Variants in SEC16A observed in about 807,000 individuals in gnomAD.
SEC16A encodes the protein protein transport protein Sec16A.
A neutral mutation model predicts 221.9 loss-of-function variants in SEC16A; 110 were observed. The observed-to-expected ratio is 0.50, with a 90% CI of 0.42 to 0.58. The LOEUF is 0.58. Among genes scored for constraint, SEC16A ranks in the 20% least tolerant of loss-of-function variants. SEC16A has a pLI of 0.00. For synonymous variants in SEC16A, 1,393 were observed against 1,257.7 expected, an observed-to-expected ratio of 1.11 and a Z score of -2.28; for missense variants, 3,165 against 3,097.8, an observed-to-expected ratio of 1.02 and a Z score of -0.52.
Position 136,447,644 on chromosome 9 carries a change from T to G in SEC16A, c.6484A>C (p.Lys2162Gln), listed in dbSNP as rs757812542. 2.7e-5 allele frequency: 44 copies of G among 1,613,350 alleles called. No individual in the cohort carries two copies. The highest frequency in any genetic ancestry group is 3.7e-5 in the Non-Finnish European group (44 of 1,179,600). The stretch of plus-strand genomic sequence containing the variant: ...GCAGGCGGGGCAGCTTGCACAGTCT[T>G]GGGCATCGAGGTTGGAGGTGGGGGC... The part of the protein sequence containing the change: ...APPPPPTSMP[K>Q]TVQAAPPALP... The change falls in exon 26 of 32, where the codon AAG becomes CAG. Residue 2162 changes from lysine (K) to glutamine (Q), a missense_variant. Lys to Gln is a moderately conservative substitution (Grantham distance 53, BLOSUM62 1). Coordinates refer to ENST00000684901, the MANE Select transcript of SEC16A (RefSeq NM_014866.2). The surrounding 1 kb of genome is among the most constrained non-coding windows in gnomAD (Gnocchi z 5.5).
chr9:136,470,104 G>A (rs1034705089), intron 4 of SEC16A, among the ~76,000 whole-genome samples: 11 of 152,232 alleles, frequency 7.2e-5, no homozygotes, highest in Non-Finnish European at 7.3e-5. Flanking sequence ...TCCATGCCAC[G>A]CACAAGCACG....
chr9:136,475,989 C>G lies in SEC16A; in HGVS notation c.1627G>C (p.Val543Leu). ...ACTTCTTGCTGAATGAATGTGCCAA[C>G]CAGCTCCTGGGGCCTGGCTGAGCCT... is the stretch of plus-strand genomic sequence containing the variant. The part of the protein sequence containing the change: ...LSGSARPQEL[V>L]GTFIQQEVGK... Residue 543 changes from valine (V) to leucine (L), a missense_variant, in exon 3 of 32, where the codon GTT becomes CTT. Val to Leu is a conservative substitution (Grantham distance 32, BLOSUM62 1). This residue lies in a region of SEC16A where 2,030 missense variants were observed against 1,923.1 expected (regional missense o/e 1.06). Coordinates refer to ENST00000684901, the MANE Select transcript of SEC16A (RefSeq NM_014866.2). This position sits in a 1 kb window ranked among gnomAD's most constrained non-coding sequence, Gnocchi z 5.0. 6.2e-7 allele frequency: 1 copy of G among 1,613,528 alleles called. No homozygotes were observed. The highest frequency in any genetic ancestry group is 2.2e-5 in the East Asian group (1 of 44,882).
Position 136,447,960 on chromosome 9 carries a change from AT to A in SEC16A, c.6391-52del, listed in dbSNP as rs1837238242. ...GGTCAGCAGACTGAACCTAAACAGA[AT>A]TAGCATCTGATTAATGATGACACTT... On this transcript the variant is annotated intron_variant, in intron 24 of 31. Coordinates refer to ENST00000684901, the MANE Select transcript of SEC16A (RefSeq NM_014866.2). The surrounding 1 kb of genome is among the most constrained non-coding windows in gnomAD (Gnocchi z 5.5). 3 of 1,542,496 alleles carry A rather than the reference AT, an allele frequency of 1.9e-6. No homozygotes were observed. The South Asian group carries it at 3.5e-5, about 18-fold the overall frequency.
intron 13 of SEC16A, 56 bp from the exon 14 acceptor site, chr9:136,460,179 C>A (rs1411007708): frequency 1.0e-5 from 15 of 1,442,598 alleles, no homozygotes; most frequent in Non-Finnish European, 1.4e-5. Context: ...AAGAAAAAAG[C>A]CGGCCGGACA....
In SEC16A at chr9:136,471,966, C is replaced by T. The variant is rs374140355; in HGVS notation, c.3704+9G>A. On this transcript the variant is annotated intron_variant, in intron 4 of 31. Coordinates refer to ENST00000684901, the MANE Select transcript of SEC16A (RefSeq NM_014866.2). Reference sequence around the variant, plus strand: ...GACAGAGAGGCAGCCAGGGTGGGCGCGGCCGCACCTGGGAGGTGGCCGTTC... The same window carrying T: ...GACAGAGAGGCAGCCAGGGTGGGCGTGGCCGCACCTGGGAGGTGGCCGTTC... The T allele has an allele frequency of 4.7e-5, 76 of 1,610,618 alleles. No homozygotes were observed. Among genetic ancestry groups the T allele is most frequent in the African/African-American group, 3.6e-4 (27 of 75,042 alleles).
chr9:136,440,110 G>A lies in SEC16A; in HGVS notation c.*1645C>T, dbSNP rs1010730041. 68 of 152,428 alleles carry A rather than the reference G, an allele frequency of 4.5e-4. No individual in the cohort carries two copies. The highest frequency in any genetic ancestry group is 1.5e-3 in the African/African-American group (62 of 41,594). The allele number at this position is 152,428 out of a possible 1,614,324, so 9.4% of individuals were successfully genotyped here. The stretch of plus-strand genomic sequence containing the variant: ...GGAACCACAGGTGAAGGTGCTTGAA[G>A]GAGCGCAAAATATTTTATTCAACAA... On this transcript the variant is annotated 3_prime_UTR_variant, in exon 32 of 32. Coordinates refer to ENST00000684901, the MANE Select transcript of SEC16A (RefSeq NM_014866.2).
intron 20 of SEC16A, 32 bp downstream of exon 20, chr9:136,455,569 T>C (rs779711704): frequency 1.3e-6 from 2 of 1,517,766 alleles, no homozygotes; most frequent in East Asian, 4.9e-5. Context: ...CAGGGGCTTG[T>C]CTGAGGGCAG....
chr9:136,446,822 G>T (rs1837058496), intron 28 of SEC16A, 33 bp downstream of exon 28: 2 of 1,566,234 alleles, frequency 1.3e-6, no homozygotes, highest in Non-Finnish European at 1.7e-6. Flanking sequence ...TCCTCACTGG[G>T]TACCTTTCCC....
In SEC16A at chr9:136,466,570, G is replaced by T; in HGVS notation, c.3930-108C>A. On this transcript the variant is annotated intron_variant, in intron 6 of 31. Transcript: ENST00000684901. This position sits in a 1 kb window ranked among gnomAD's most constrained non-coding sequence, Gnocchi z 5.5. Reference sequence around the variant, plus strand: ...TGAGACCGAGACCCCTGGGGCCGAGGCACAACACAGCACACCCGACACTCA... The same window carrying T: ...TGAGACCGAGACCCCTGGGGCCGAGTCACAACACAGCACACCCGACACTCA... 1.0e-6 allele frequency: 1 copy of T among 952,606 alleles called. No homozygotes were observed. The highest frequency in any genetic ancestry group is 1.5e-6 in the Non-Finnish European group (1 of 651,634). The allele number at this position is 952,606 out of a possible 1,614,324, so 59.0% of individuals were successfully genotyped here.
At chr9:136,467,847 G>A (rs985883730) in intron 5 of SEC16A, among the ~76,000 whole-genome samples, 4 of 152,206 alleles carry the variant, frequency 2.6e-5, no homozygotes, top group African/African-American at 9.7e-5. Flanking sequence ...GCCAGGGCAG[G>A]AGTGACCGGA....
At chr9:136,448,968 T>C (rs940096941) in intron 23 of SEC16A, 5 of 634,726 alleles carry the variant, frequency 7.9e-6, no homozygotes, top group Non-Finnish European at 2.9e-6. Flanking sequence ...AGTGTGAATG[T>C]ACTTGGTGCC....
chr9:136,462,914 C>T lies in SEC16A; in HGVS notation c.4866G>A (p.Arg1622=). The T allele has an allele frequency of 6.2e-7, 1 of 1,602,566 alleles. No individual in the cohort carries two copies. The highest frequency in any genetic ancestry group is 1.1e-5 in the South Asian group (1 of 91,090). Residue 1622 remains arginine, a synonymous_variant, in exon 12 of 32, where the codon AGG becomes AGA. Transcript: ENST00000684901. Reference sequence around the variant, plus strand: ...TCTTACGGCCATACAGCAACAGCTCCCTGAACCTCTCGGTCTCTCTCTCGA... The same window carrying T: ...TCTTACGGCCATACAGCAACAGCTCTCTGAACCTCTCGGTCTCTCTCTCGA... The part of the protein sequence containing the change: ...SSLERETERF[R]ELLLYGRKKD...
In SEC16A at chr9:136,443,877, T is replaced by C; in HGVS notation, c.6951A>G (p.Ala2317=). The C allele has an allele frequency of 1.2e-6, 2 of 1,610,972 alleles. No homozygotes were observed. Among genetic ancestry groups the C allele is most frequent in the South Asian group, 2.2e-5 (2 of 90,716 alleles). Reference sequence around the variant, plus strand: ...GCATGGCCCCGCTGGGAGGGCCCCCTGCAGCAGGGAGGTCGCCAGGAGCCT... The same window carrying C: ...GCATGGCCCCGCTGGGAGGGCCCCCCGCAGCAGGGAGGTCGCCAGGAGCCT... ...FNQAPGDLPA[A]GGPPSGAMPF... Residue 2317 remains alanine, a synonymous_variant, in exon 31 of 32, where the codon GCA becomes GCG. Transcript: ENST00000684901.
In SEC16A at chr9:136,459,846, C is replaced by T. The variant is rs1564489692; in HGVS notation, c.5102G>A (p.Trp1701Ter). 1 of 1,613,624 alleles carries T rather than the reference C, an allele frequency of 6.2e-7. No individual in the cohort carries two copies. Among genetic ancestry groups the T allele is most frequent in the Middle Eastern group, 1.6e-4 (1 of 6,062 alleles). The change falls in exon 15 of 32, where the codon TGG becomes TAG. Residue 1701 changes from tryptophan to a stop codon, truncating the protein, a stop_gained. Coordinates refer to ENST00000684901, the MANE Select transcript of SEC16A (RefSeq NM_014866.2). LOFTEE classifies it high-confidence loss of function. This position sits in a 1 kb window ranked among gnomAD's most constrained non-coding sequence, Gnocchi z 6.1. ...TCCGDEKWGD[W>*]RPHLAMVLSN... Reference sequence around the variant, plus strand: ...CAAGACCATGGCGAGGTGCGGCCTCCAATCTCCCCATTTCTCGTCTCCACA... The same window carrying T: ...CAAGACCATGGCGAGGTGCGGCCTCTAATCTCCCCATTTCTCGTCTCCACA...
chr9:136,448,367 G>C (rs1291798192), intron 23 of SEC16A: 5 of 704,602 alleles, frequency 7.1e-6, no homozygotes, highest in Non-Finnish European at 1.3e-5. Context: ...GAGACACCAG[G>C]AGGATGGAGG....
intron 20 of SEC16A, among the ~76,000 whole-genome samples, chr9:136,455,208 C>T (rs1371464603): frequency 6.6e-6 from 1 of 152,182 alleles, no homozygotes; most frequent in Non-Finnish European, 1.5e-5. Context: ...GAGCTCTGGG[C>T]TGGCCCTTCC....
rs1444765430 is a variant in SEC16A at position 136,459,957 on chromosome 9, C to T, written c.5074-83G>A. The T allele has an allele frequency of 1.6e-5, 25 of 1,533,978 alleles. No individual in the cohort carries two copies. The Admixed American group carries it at 4.1e-4, about 25-fold the overall frequency. ...TCCACACAGCTGGGCTCACCAGGCA[C>T]CTCACGGCCTGTGACAGCGTCACCC... On this transcript the variant is annotated intron_variant, in intron 14 of 31. Transcript: ENST00000684901. This position sits in a 1 kb window ranked among gnomAD's most constrained non-coding sequence, Gnocchi z 6.1.
chr9:136,446,064 G>A (rs1317582849), intron 28 of SEC16A, among the ~76,000 whole-genome samples: 1 of 151,530 alleles, frequency 6.6e-6, no homozygotes, highest in Non-Finnish European at 1.5e-5. Context: ...ACAGGATTAG[G>A]CCCAGGCCTG....
chr9:136,449,943 C>T (rs909746653), intron 23 of SEC16A, among the ~76,000 whole-genome samples: 3 of 152,186 alleles, frequency 2.0e-5, no homozygotes, highest in African/African-American at 7.2e-5. Context: ...GTGGCTCACA[C>T]CTGTAATCCC....
Sources: gnomAD v4.1 joint callset for allele counts (sites outside exome capture counted in the v4.1 genomes callset) on GRCh38, gnomAD v4.1.1 for gene constraint, gnomAD v4.1.1 regional missense constraint, Gnocchi (gnomAD v3.1) non-coding constraint, MANE v1.5 for transcripts, NCBI Gene and HGNC (gene_info 2026-07-23, HGNC 2026-07-21) for gene names.